Variants in CPAMD8 observed in about 807,000 individuals in gnomAD.
CPAMD8 encodes C3 and PZP like alpha-2-macroglobulin domain containing 8, also known as C3 and PZP-like alpha-2-macroglobulin domain-containing protein 8.
A neutral mutation model predicts 224.7 loss-of-function variants in CPAMD8; 146 were observed. That is an observed-to-expected ratio of 0.65 (90% CI 0.57 to 0.75). The LOEUF is 0.75. Among genes scored for constraint, CPAMD8 ranks in the 30% least tolerant of loss-of-function variants. CPAMD8 has a pLI of 0.00. For missense variants in CPAMD8, 2,301 were observed against 2,537.5 expected (o/e 0.91, Z 2.00); for synonymous variants, 966 against 1,044.6 (o/e 0.92, Z 1.45).
At chr19:16,953,661 A>AG (rs948435840) in intron 19 of CPAMD8, among the ~76,000 whole-genome samples, 3 of 151,786 alleles carry the variant, frequency 2.0e-5, no homozygotes, top group Non-Finnish European at 4.4e-5. Flanking sequence ...TCAAAAAAAA[A>AG]AAAAAAAAAG....
At chr19:16,940,003 C>T (rs1180801065) in intron 22 of CPAMD8, among the ~76,000 whole-genome samples, 1 of 152,008 alleles carries the variant, frequency 6.6e-6, no homozygotes, top group Admixed American at 6.6e-5. Flanking sequence ...ACCTCCGCCT[C>T]CTGAGTTCAA....
intron 14 of CPAMD8, 78 bp downstream of exon 14, chr19:16,980,419 C>T (rs182965859): frequency 1.4e-6 from 2 of 1,431,568 alleles, no homozygotes; most frequent in East Asian, 2.3e-5. Flanking sequence ...TGCCTTGTCC[C>T]TCCTTGCAGG....
At chr19:16,985,582 A>G (rs2122828228) in intron 13 of CPAMD8, among the ~76,000 whole-genome samples, 2 of 148,728 alleles carry the variant, frequency 1.3e-5, no homozygotes, top group Middle Eastern at 7.2e-3. Flanking sequence ...GGAAGAAAGG[A>G]GGGAGGGAGA....
Position 17,011,459 on chromosome 19 carries a change from C to G in CPAMD8, c.486+5G>C. The G allele has an allele frequency of 6.2e-7, 1 of 1,614,214 alleles. No homozygotes were observed. The highest frequency in any genetic ancestry group is 8.5e-7 in the Non-Finnish European group (1 of 1,180,032). On this transcript the variant is annotated splice_donor_5th_base_variant and intron_variant, in intron 5 of 41. Coordinates refer to ENST00000443236, the MANE Select transcript of CPAMD8 (RefSeq NM_015692.5). ...CGGGCCCGCGGTTTTAGAAGCTGATCTCACCTTCTCGTTGACAGGCCTCAG... is the reference window on the plus strand; with the variant it reads ...CGGGCCCGCGGTTTTAGAAGCTGATGTCACCTTCTCGTTGACAGGCCTCAG...
intron 14 of CPAMD8, among the ~76,000 whole-genome samples, chr19:16,977,872 G>C (rs1028789179): frequency 1.3e-5 from 2 of 152,086 alleles, no homozygotes; most frequent in Non-Finnish European, 2.9e-5. Context: ...GGCTTGTCCA[G>C]GCAGCACCAC....
At chr19:16,954,769 G>A (rs1317052234) in intron 19 of CPAMD8, among the ~76,000 whole-genome samples, 2 of 152,168 alleles carry the variant, frequency 1.3e-5, no homozygotes, top group Non-Finnish European at 2.9e-5. Flanking sequence ...TGGATCACGA[G>A]GTCAGGAAAT....
chr19:17,001,429 T>G (rs1471620080), intron 9 of CPAMD8, among the ~76,000 whole-genome samples: 5 of 52,254 alleles, frequency 9.6e-5, no homozygotes, highest in Non-Finnish European at 1.1e-4. Context: ...GGAGCAGCCT[T>G]GGGGGAGAGG....
At chr19:16,997,649 G>A (rs1019393834) in intron 10 of CPAMD8, among the ~76,000 whole-genome samples, 9 of 151,740 alleles carry the variant, frequency 5.9e-5, no homozygotes, top group Middle Eastern at 3.4e-3. Context: ...TCAGGAGTTC[G>A]ATATCAGTCT....
chr19:16,937,791 T>C (rs1223658477), intron 23 of CPAMD8, among the ~76,000 whole-genome samples: 1 of 152,072 alleles, frequency 6.6e-6, no homozygotes, highest in African/African-American at 2.4e-5. Context: ...CAGCTGGGAT[T>C]ACAGGTGCGT....
Position 16,956,731 on chromosome 19 carries a change from C to T in CPAMD8, c.2276+1122G>A, listed in dbSNP as rs566046172. Among the ~76,000 whole-genome samples the T allele has an allele frequency of 1.5e-3, 235 of 151,924 alleles. 2 individuals carry two copies. In the South Asian group the frequency reaches 0.016, roughly 11 times the overall value. On this transcript the variant is annotated intron_variant, in intron 19 of 41. Coordinates refer to ENST00000443236, the MANE Select transcript of CPAMD8 (RefSeq NM_015692.5). ...CACCCAGGCTGGAGAGCAGTGGCGC[C>T]ATCTTGGCTCACTGCAACCTCCGTC...
At chr19:16,987,179 AATAT>A (rs775029154) in intron 13 of CPAMD8, among the ~76,000 whole-genome samples, 1,532 of 53,794 alleles carry the variant, frequency 0.028, 58 homozygotes, top group African/African-American at 0.036. Context: ...AAAAAAAAAA[AATAT>A]ATATATATAT....
At chr19:16,948,352 T>C (rs1221941377) in intron 20 of CPAMD8, among the ~76,000 whole-genome samples, 1 of 152,064 alleles carries the variant, frequency 6.6e-6, no homozygotes, top group Non-Finnish European at 1.5e-5. Context: ...GAGTCCTGAA[T>C]CCTGACAAAG....
intron 8 of CPAMD8, chr19:17,002,599 T>G: frequency 2.7e-6 from 1 of 367,994 alleles, no homozygotes; most frequent in Non-Finnish European, 5.0e-6. Context: ...ACCACGTGCT[T>G]AGAGTGTGGC....
chr19:16,946,821 G>A (rs1408540402), intron 21 of CPAMD8, among the ~76,000 whole-genome samples: 1 of 152,116 alleles, frequency 6.6e-6, no homozygotes, highest in Non-Finnish European at 1.5e-5. Flanking sequence ...ATGTCTGCAT[G>A]TGTGTGTGCT....
intron 18 of CPAMD8, among the ~76,000 whole-genome samples, chr19:16,969,208 T>C (rs1189572253): frequency 6.6e-6 from 1 of 152,164 alleles, no homozygotes; most frequent in Admixed American, 6.5e-5. Context: ...TCCCTAATCT[T>C]GTGCACTGGG....
At chr19:16,979,907 G>A (rs2055445897) in intron 14 of CPAMD8, among the ~76,000 whole-genome samples, 1 of 151,862 alleles carries the variant, frequency 6.6e-6, no homozygotes, top group Admixed American at 6.6e-5. Context: ...TGGGGATAGT[G>A]GCAATATCTG....
chr19:16,938,878 G>T (rs182068036), intron 22 of CPAMD8, among the ~76,000 whole-genome samples: 1 of 152,194 alleles, frequency 6.6e-6, no homozygotes, highest in African/African-American at 2.4e-5. Flanking sequence ...ACGAGTCTCC[G>T]TCCCACTGTC....
intron 21 of CPAMD8, among the ~76,000 whole-genome samples, chr19:16,946,279 CGT>C (rs751417268): frequency 1.8e-5 from 2 of 113,850 alleles, no homozygotes; most frequent in African/African-American, 3.5e-5. Context: ...TGTGTGGATT[CGT>C]GTGTGTGATG....
chr19:16,982,508 CCACAGCCAAATTTGG>C (rs1400691577), intron 13 of CPAMD8, among the ~76,000 whole-genome samples: 1 of 152,012 alleles, frequency 6.6e-6, no homozygotes, highest in African/African-American at 2.4e-5. Flanking sequence ...TAAGGGACTC[CCACAGCCAAATTTGG>C]AAAATTTGAG....
Sources: allele counts gnomAD v4.1 joint callset (sites outside exome capture counted in the v4.1 genomes callset), GRCh38; gene constraint gnomAD v4.1.1; transcripts MANE v1.5; gene names NCBI Gene and HGNC (gene_info 2026-07-23, HGNC 2026-07-21).